The following SPTBN4 variants were observed in gnomAD, a reference collection of about 807,000 sequenced individuals.
SPTBN4 encodes the protein spectrin beta, non-erythrocytic 4, also known as spectrin beta chain, non-erythrocytic 4.
A neutral mutation model predicts 277.8 loss-of-function variants in SPTBN4; 96 were observed. The ratio of observed to expected loss-of-function variants is 0.35; its 90% CI spans 0.29 to 0.41. The LOEUF (loss-of-function observed/expected upper bound fraction) is 0.41, where lower values mean the gene tolerates loss of function less well. Among genes scored for constraint, SPTBN4 ranks in the 10% least tolerant of loss-of-function variants. SPTBN4 has a pLI of 1.00. For synonymous variants in SPTBN4, 1,481 were observed against 1,580.3 expected (o/e 0.94, Z 1.49); for missense variants, 3,006 against 3,595.7 (o/e 0.84, Z 4.19).
Position 40,575,609 on chromosome 19 carries a change from T to G in SPTBN4, c.*40T>G. On this transcript the variant is annotated 3_prime_UTR_variant, in exon 36 of 36. Coordinates refer to ENST00000598249, the MANE Select transcript of SPTBN4 (RefSeq NM_020971.3). ...GACCTGACACATCTCGTCTCCCCTCTTTTCCGCACTGTGGGCACAAAGACA... is the reference window on the plus strand; with the variant it reads ...GACCTGACACATCTCGTCTCCCCTCGTTTCCGCACTGTGGGCACAAAGACA... The G allele has an allele frequency of 6.4e-7, 1 of 1,572,298 alleles. No individual in the cohort carries two copies. The highest frequency in any genetic ancestry group is 8.6e-7 in the Non-Finnish European group (1 of 1,158,012).
chr19:40,560,776 G>A lies in SPTBN4; in HGVS notation c.5915+373G>A. The A allele has an allele frequency of 8.0e-7, 1 of 1,248,222 alleles. No individual in the cohort carries two copies. The highest frequency in any genetic ancestry group is 1.0e-6 in the Non-Finnish European group (1 of 985,050). The allele number at this position is 1,248,222 out of a possible 1,614,324, so 77.3% of individuals were successfully genotyped here. A position where few individuals can be genotyped will look rare whatever the true frequency, so the allele number is the denominator to read the frequency against. On this transcript the variant is annotated intron_variant, in intron 27 of 35. Transcript: ENST00000598249. This position sits in a 1 kb window ranked among gnomAD's most constrained non-coding sequence, Gnocchi z 5.2. ...CAGCATCTCAGTGGCTTCATTAGTG[G>A]GCATGGGCTTATTGCTCACATAGTG... is the stretch of plus-strand genomic sequence containing the variant.
intron 12 of SPTBN4, among the ~76,000 whole-genome samples, chr19:40,504,529 C>T (rs1006859484): frequency 2.6e-5 from 4 of 151,976 alleles, no homozygotes; most frequent in African/African-American, 9.7e-5. Context: ...ATTAGCCGGG[C>T]GTAGTGGCGG....
intron 16 of SPTBN4, 55 bp downstream of exon 16, chr19:40,520,206 T>C (rs1172788775): frequency 1.1e-5 from 14 of 1,276,392 alleles, no homozygotes; most frequent in Non-Finnish European, 1.4e-5. Context: ...CGCGGGGGGA[T>C]TGCAGGGACA....
rs751833673 is a variant in SPTBN4 at position 40,515,996 on chromosome 19, T to C, written c.2903+548T>C. Among the ~76,000 whole-genome samples the C allele has an allele frequency of 6.2e-3, 819 of 131,578 alleles. 28 individuals carry two copies. The highest frequency in any genetic ancestry group is 0.029 in the South Asian group (105 of 3,640). The allele number at this position is 131,578 out of a possible 152,430, so 86.3% of individuals were successfully genotyped here. On this transcript the variant is annotated intron_variant, in intron 15 of 35. Transcript: ENST00000598249. The surrounding 1 kb of genome is among the most constrained non-coding windows in gnomAD (Gnocchi z 4.1). ...ACACATATATACGTATATATACACA[T>C]ATATACGTATATATACACACATATA...
intron 20 of SPTBN4, among the ~76,000 whole-genome samples, chr19:40,538,879 T>G (rs2080768070): frequency 1.3e-5 from 2 of 152,310 alleles, no homozygotes; most frequent in East Asian, 3.9e-4. Context: ...GGTGAAGCAC[T>G]GCCCCTGGAT....
In SPTBN4 at chr19:40,512,954, G is replaced by A; in HGVS notation, c.2165G>A (p.Gly722Asp). Residue 722 changes from glycine (G) to aspartate (D), a missense_variant, in exon 14 of 36, where the codon GGC becomes GAC. Gly to Asp is a moderately conservative substitution (Grantham distance 94). This residue lies in a region of SPTBN4 where 1,759 missense variants were observed against 2,061.5 expected (regional missense o/e 0.85). Coordinates refer to ENST00000598249, the MANE Select transcript of SPTBN4 (RefSeq NM_020971.3). ...RALLQQALRC[G>D]EELVAAGGAV... ...TTGCTGCAGCAGGCCCTGCGGTGTG[G>A]CGAGGAGCTGGTTGCGGCCGGCGGT... 7.1e-7 allele frequency: 1 copy of A among 1,414,638 alleles called. No homozygotes were observed. Among genetic ancestry groups the A allele is most frequent in the Non-Finnish European group, 9.1e-7 (1 of 1,094,490 alleles). 87.6% of individuals were successfully genotyped at this position (1,414,638 alleles called of 1,614,324 possible).
intron 18 of SPTBN4, chr19:40,530,551 C>A: frequency 3.1e-6 from 3 of 980,706 alleles, no homozygotes; most frequent in South Asian, 9.4e-5. Context: ...ACCCGCCCGC[C>A]CGCTGCAGGG....
At chr19:40,570,889 A>C (rs968506821) in intron 33 of SPTBN4, 161 bp downstream of exon 33, 1 of 694,490 alleles carries the variant, frequency 1.4e-6, no homozygotes, top group Non-Finnish European at 2.1e-6. Flanking sequence ...GGCTTAAATC[A>C]AGAAAGCCAA....
At chr19:40,467,627 G>GA (rs917454621) in intron 1 of SPTBN4, among the ~76,000 whole-genome samples, 1 of 149,204 alleles carries the variant, frequency 6.7e-6, no homozygotes, top group Non-Finnish European at 1.5e-5. Context: ...CCTTTGCGGG[G>GA]GGGGGGGGGT....
intron 13 of SPTBN4, among the ~76,000 whole-genome samples, chr19:40,510,617 T>C (rs771028097): frequency 1.3e-5 from 2 of 152,204 alleles, no homozygotes; most frequent in Non-Finnish European, 2.9e-5. Context: ...GCTGTTGTTA[T>C]TGTAACTATT....
intron 35 of SPTBN4, among the ~76,000 whole-genome samples, chr19:40,573,231 G>C (rs1004709501): frequency 2.6e-5 from 4 of 152,096 alleles, no homozygotes; most frequent in Non-Finnish European, 5.9e-5. Flanking sequence ...AGGATCACCT[G>C]AACCAGGGAG....
intron 20 of SPTBN4, among the ~76,000 whole-genome samples, chr19:40,548,321 C>A (rs1175011619): frequency 6.6e-6 from 1 of 152,122 alleles, no homozygotes; most frequent in Non-Finnish European, 1.5e-5. Context: ...AACCCCATCT[C>A]TACTAAAAAT....
Position 40,565,690 on chromosome 19 carries a change from C to G in SPTBN4, c.6084C>G (p.Thr2028=). The change falls in exon 29 of 36, where the codon ACC becomes ACG. Residue 2028 remains threonine (T), a synonymous_variant. Coordinates refer to ENST00000598249, the MANE Select transcript of SPTBN4 (RefSeq NM_020971.3). ...AGGCACAGCTGGACAAGCTGGGAAC[C>G]AGGAAGGAGGAGGTGTCGGAAAAGT... ...EIQAQLDKLG[T]RKEEVSEKWD... 1.3e-6 allele frequency: 2 copies of G among 1,555,306 alleles called. No homozygotes were observed. The highest frequency in any genetic ancestry group is 2.4e-5 in the South Asian group (2 of 84,650).
At chr19:40,565,272 AAAAG>A (rs750280262) in intron 27 of SPTBN4, 147 bp from the exon 28 acceptor site, 2,299 of 731,680 alleles carry the variant, frequency 3.1e-3, no homozygotes, top group South Asian at 3.8e-3. Context: ...CTCAAAAAAA[AAAAG>A]AAAAGAAAAG....
At chr19:40,573,959 G>A (rs1183158852) in intron 35 of SPTBN4, among the ~76,000 whole-genome samples, 1 of 151,384 alleles carries the variant, frequency 6.6e-6, no homozygotes, top group South Asian at 2.1e-4. Context: ...AAAATTAGCT[G>A]GGCATGGTGG....
chr19:40,491,663 G>A (rs942347026), intron 4 of SPTBN4, among the ~76,000 whole-genome samples: 5 of 132,938 alleles, frequency 3.8e-5, no homozygotes, highest in Admixed American at 8.2e-5. Flanking sequence ...AATGTGAGCC[G>A]AGACCACACC....
At chr19:40,550,156 C>T (rs2080901793) in intron 21 of SPTBN4, 82 bp from the exon 22 acceptor site, 3 of 1,132,606 alleles carry the variant, frequency 2.6e-6, no homozygotes, top group Non-Finnish European at 3.9e-6. Context: ...GCCTGGGATG[C>T]CGTGCAGGTT....
rs62107052 is a variant in SPTBN4, at chr19:40,522,511, C to T, written c.3655-926C>T. ...GGGATAACAGGTGTGTGCCACTACA[C>T]CCGGCTAATATTTGTATTTGTAGTA... On this transcript the variant is annotated intron_variant, in intron 16 of 35. Coordinates refer to ENST00000598249, the MANE Select transcript of SPTBN4 (RefSeq NM_020971.3). Among the ~76,000 whole-genome samples the T allele has an allele frequency of 4.6e-4, 69 of 151,146 alleles. 1 individual carries two copies. Among genetic ancestry groups the T allele is most frequent in the Non-Finnish European group, 7.5e-4 (51 of 67,872 alleles).
chr19:40,502,621 G>A lies in SPTBN4; in HGVS notation c.1203+114G>A, dbSNP rs2080276433. 1 of 1,447,108 alleles carries A rather than the reference G, an allele frequency of 6.9e-7. No individual in the cohort carries two copies. The highest frequency in any genetic ancestry group is 2.2e-5 in the Admixed American group (1 of 46,262). The allele number at this position is 1,447,108 out of a possible 1,614,324, so 89.6% of individuals were successfully genotyped here. On this transcript the variant is annotated intron_variant, in intron 10 of 35. Transcript: ENST00000598249. The surrounding 1 kb of genome is among the most constrained non-coding windows in gnomAD (Gnocchi z 4.9). ...ACATGATGGATTAGATATTCATTCT[G>A]ACAGTTTTTCAGTAGTAAAGTGTCA...
Sources: allele counts gnomAD v4.1 joint callset (sites outside exome capture counted in the v4.1 genomes callset), GRCh38; gene constraint gnomAD v4.1.1; regional missense constraint gnomAD v4.1.1; non-coding constraint Gnocchi (gnomAD v3.1); transcripts MANE v1.5; gene names NCBI Gene and HGNC (gene_info 2026-07-23, HGNC 2026-07-21).